Variants in FBXO32 observed in about 807,000 individuals in gnomAD.
FBXO32 encodes the protein F-box protein 32.
FBXO32 carries 15 observed loss-of-function variants against 48.3 expected under a neutral mutation model. That is an observed-to-expected ratio of 0.31 (90% CI 0.21 to 0.48). FBXO32 has a LOEUF of 0.48. Among genes scored for constraint, FBXO32 ranks in the 20% least tolerant of loss-of-function variants. The pLI is 0.99. For synonymous variants in FBXO32, 154 were observed against 165.9 expected (o/e 0.93, Z 0.55); for missense variants, 309 against 432.7 (o/e 0.71, Z 2.54).
intron 6 of FBXO32, among the ~76,000 whole-genome samples, chr8:123,512,091 TA>T (rs1563920908): frequency 6.6e-6 from 1 of 152,200 alleles, no homozygotes; most frequent in Non-Finnish European, 1.5e-5. Context: ...TACATTCTCT[TA>T]AAAAAATCAA....
At chr8:123,530,080 C>T (rs10097344) in intron 4 of FBXO32, among the ~76,000 whole-genome samples, 12 of 152,214 alleles carry the variant, frequency 7.9e-5, no homozygotes, top group Admixed American at 7.9e-4. Context: ...CAGAGTCACA[C>T]TGAATGGCAT....
rs748861766 is a variant in FBXO32, at chr8:123,515,405, G to GT, written c.373-1073dup. On this transcript the variant is annotated intron_variant, in intron 4 of 8. Coordinates refer to ENST00000517956, the MANE Select transcript of FBXO32 (RefSeq NM_058229.4). ...CATGTGCCACTACGCCTGGCTAACA[G>GT]TTTTTTTTTTTTTTTGTATTTTTAT... Among the ~76,000 whole-genome samples the GT allele has an allele frequency of 5.0e-3, 693 of 139,286 alleles. 1 individual carries two copies. The highest frequency in any genetic ancestry group is 0.011 in the South Asian group (49 of 4,302). 91.4% of individuals were successfully genotyped at this position (139,286 alleles called of 152,430 possible).
intron 4 of FBXO32, chr8:123,526,920 C>T (rs965114436): frequency 6.6e-6 from 1 of 152,022 alleles, no homozygotes; most frequent in Non-Finnish European, 1.5e-5. Flanking sequence ...GCTACAAGCT[C>T]TCTGTTGCTA....
At position 123,499,843 on chromosome 8, in the gene FBXO32, C is replaced by G. The variant is rs1012371062; in HGVS notation, c.*3530G>C. 2.0e-5 allele frequency: 3 copies of G among 152,198 alleles called. No individual in the cohort carries two copies. Among genetic ancestry groups the G allele is most frequent in the African/African-American group, 7.2e-5 (3 of 41,446 alleles). The allele number at this position is 152,198 out of a possible 1,614,324, so 9.4% of individuals were successfully genotyped here. ...GTATGTGAATCCACAAAGACGAGAA[C>G]TATGGCAATAGCATAATACACACCC... On this transcript the variant is annotated 3_prime_UTR_variant, in exon 9 of 9. Coordinates refer to ENST00000517956, the MANE Select transcript of FBXO32 (RefSeq NM_058229.4).
At chr8:123,527,609 G>T (rs182040704) in intron 4 of FBXO32, among the ~76,000 whole-genome samples, 1 of 152,168 alleles carries the variant, frequency 6.6e-6, no homozygotes, top group Non-Finnish European at 1.5e-5. Flanking sequence ...GTCCCCAACT[G>T]TATCTGGCCC....
intron 4 of FBXO32, among the ~76,000 whole-genome samples, chr8:123,518,124 G>T (rs780429890): frequency 2.0e-5 from 3 of 152,176 alleles, no homozygotes; most frequent in Non-Finnish European, 4.4e-5. Flanking sequence ...CTATGTCACA[G>T]TTTCTGGTAT....
chr8:123,513,449 C>A lies in FBXO32; in HGVS notation c.467-67G>T. ...GAACACCCTGTATTTTACACATGAGCTTGTCTCTGTCTGTATTCCACTCAT... is the reference window on the plus strand; with the variant it reads ...GAACACCCTGTATTTTACACATGAGATTGTCTCTGTCTGTATTCCACTCAT... On this transcript the variant is annotated intron_variant, in intron 5 of 8. Transcript: ENST00000517956. The surrounding 1 kb of genome is among the most constrained non-coding windows in gnomAD (Gnocchi z 4.3). 7.4e-7 allele frequency: 1 copy of A among 1,342,738 alleles called. No individual in the cohort carries two copies. 83.2% of individuals were successfully genotyped at this position (1,342,738 alleles called of 1,614,324 possible). A position where few individuals can be genotyped will look rare whatever the true frequency, so the allele number is the denominator to read the frequency against.
At chr8:123,531,594 G>T (rs773021422) in intron 4 of FBXO32, among the ~76,000 whole-genome samples, 31 of 152,230 alleles carry the variant, frequency 2.0e-4, no homozygotes, top group Non-Finnish European at 3.2e-4. Context: ...GTATCCACAG[G>T]GTGGGCTCGG....
intron 4 of FBXO32, among the ~76,000 whole-genome samples, chr8:123,515,058 C>T (rs1219773445): frequency 6.6e-6 from 1 of 152,134 alleles, no homozygotes; most frequent in Non-Finnish European, 1.5e-5. Flanking sequence ...CTTGGTGCCC[C>T]ACCCAGTTTG....
chr8:123,540,506 T>C lies in FBXO32; in HGVS notation c.116+393A>G, dbSNP rs1817390230. 6.6e-6 allele frequency among the ~76,000 whole-genome samples: 1 copy of C among 152,214 alleles called. No individual in the cohort carries two copies. The stretch of plus-strand genomic sequence containing the variant: ...CCGGGCCACCCCGCGGTGAAGGGGC[T>C]CAGCCCACCCGCCCGCGCCCCCACA... On this transcript the variant is annotated intron_variant, in intron 1 of 8. Coordinates refer to ENST00000517956, the MANE Select transcript of FBXO32 (RefSeq NM_058229.4). This position sits in a 1 kb window ranked among gnomAD's most constrained non-coding sequence, Gnocchi z 6.4.
chr8:123,539,982 T>G (rs1003517100), intron 1 of FBXO32, among the ~76,000 whole-genome samples: 1 of 152,148 alleles, frequency 6.6e-6, no homozygotes, highest in African/African-American at 2.4e-5. Flanking sequence ...GGCTGAGAAA[T>G]TCCAGGCTAC....
chr8:123,534,598 T>G (rs1817274734), intron 2 of FBXO32, 104 bp downstream of exon 2: 1 of 670,742 alleles, frequency 1.5e-6, no homozygotes, highest in East Asian at 2.7e-5. Context: ...AGTAAAACAC[T>G]GAGGCAGATG....
chr8:123,507,957 C>T (rs140783830), intron 6 of FBXO32, among the ~76,000 whole-genome samples: 2 of 152,194 alleles, frequency 1.3e-5, no homozygotes, highest in East Asian at 1.9e-4. Context: ...CCTGGGAATC[C>T]GCATATGTAT....
rs180920092 is a variant in FBXO32, at chr8:123,527,447, G to A, written c.372+4451C>T. 3.9e-5 allele frequency among the ~76,000 whole-genome samples: 6 copies of A among 152,180 alleles called. No individual in the cohort carries two copies. In the East Asian group the frequency reaches 1.2e-3, roughly 29 times the overall value. On this transcript the variant is annotated intron_variant, in intron 4 of 8. Coordinates refer to ENST00000517956, the MANE Select transcript of FBXO32 (RefSeq NM_058229.4). ...TATCCCAATAATGCAGTTTCTCAAG[G>A]GACTCACTAAGGACCAGGGGAACGG...
chr8:123,539,131 G>A (rs914503197), intron 1 of FBXO32, among the ~76,000 whole-genome samples: 2 of 152,004 alleles, frequency 1.3e-5, no homozygotes, highest in Non-Finnish European at 2.9e-5. Flanking sequence ...TCAGCCTCCC[G>A]AGTAGGGTAA....
chr8:123,500,280 C>G lies in FBXO32; in HGVS notation c.*3093G>C, dbSNP rs1241131955. The G allele has an allele frequency of 6.6e-6, 1 of 152,170 alleles. No individual in the cohort carries two copies. Among genetic ancestry groups the G allele is most frequent in the Non-Finnish European group, 1.5e-5 (1 of 68,028 alleles). The allele number at this position is 152,170 out of a possible 1,614,324, so 9.4% of individuals were successfully genotyped here. A position where few individuals can be genotyped will look rare whatever the true frequency, so the allele number is the denominator to read the frequency against. On this transcript the variant is annotated 3_prime_UTR_variant, in exon 9 of 9. Transcript: ENST00000517956. ...TTTGAGTTGGACCAAATCTTAACAT[C>G]CCTGTGGATTTGCTCATACTGCCCT... is the stretch of plus-strand genomic sequence containing the variant.
rs1816430300 is a variant in FBXO32 at position 123,499,326 on chromosome 8, G to A, written c.*4047C>T. 1 of 152,092 alleles carries A rather than the reference G, an allele frequency of 6.6e-6. No homozygotes were observed. Among genetic ancestry groups the A allele is most frequent in the South Asian group, 2.1e-4 (1 of 4,820 alleles). 9.4% of individuals were successfully genotyped at this position (152,092 alleles called of 1,614,324 possible). On this transcript the variant is annotated 3_prime_UTR_variant, in exon 9 of 9. Transcript: ENST00000517956. ...TGACCTTGTTTGTTGAAGCCATCAA[G>A]GACCCAAGATATATCAAAGAACAAC...
rs191800181 is a variant in FBXO32, at chr8:123,512,665, G to A, written c.651+533C>T. Among the ~76,000 whole-genome samples the A allele has an allele frequency of 2.6e-3, 391 of 151,818 alleles. 1 individual carries two copies. The highest frequency in any genetic ancestry group is 0.012 in the South Asian group (56 of 4,800). On this transcript the variant is annotated intron_variant, in intron 6 of 8. Coordinates refer to ENST00000517956, the MANE Select transcript of FBXO32 (RefSeq NM_058229.4). ...TCGCCAAACCTCACTGGTAATATAC[G>A]GCTTTTCCTTTTTGCTTTGAGAATT...
Position 123,540,838 on chromosome 8 carries a change from C to T in FBXO32, c.116+61G>A, listed in dbSNP as rs1817395799. ...CTGCCCCTCATTCGCCGTCCCTGCG[C>T]CCCCCAGACCAGCCCGGGTCAGTTT... On this transcript the variant is annotated intron_variant, in intron 1 of 8. Transcript: ENST00000517956. This position sits in a 1 kb window ranked among gnomAD's most constrained non-coding sequence, Gnocchi z 6.4. 6 of 1,406,010 alleles carry T rather than the reference C, an allele frequency of 4.3e-6. No individual in the cohort carries two copies. Among genetic ancestry groups the T allele is most frequent in the South Asian group, 2.4e-5 (2 of 83,858 alleles). 87.1% of individuals were successfully genotyped at this position (1,406,010 alleles called of 1,614,324 possible).
Sources: allele counts gnomAD v4.1 joint callset (sites outside exome capture counted in the v4.1 genomes callset), GRCh38; gene constraint gnomAD v4.1.1; non-coding constraint Gnocchi (gnomAD v3.1); transcripts MANE v1.5; gene names NCBI Gene and HGNC (gene_info 2026-07-23, HGNC 2026-07-21).